Variants in BLTP1 observed in about 807,000 individuals in gnomAD.
BLTP1 encodes bridge-like lipid transfer protein family member 1.
the BLTP1 span, chr4:122,346,613 T>C: frequency 2.5e-6 from 4 of 1,609,828 alleles, no homozygotes; most frequent in South Asian, 4.4e-5. Context: ...AAATGTTATT[T>C]ATGTATCAGC....
chr4:122,178,624 A>T, the BLTP1 span, among the ~76,000 whole-genome samples: 2 of 152,228 alleles, frequency 1.3e-5, no homozygotes, highest in Non-Finnish European at 2.9e-5. Flanking sequence ...ACTGATAAAC[A>T]CTAAATACTG....
At chr4:122,234,737 G>A in the BLTP1 span, 1 of 1,535,262 alleles carries the variant, frequency 6.5e-7, no homozygotes, top group Non-Finnish European at 8.7e-7. Flanking sequence ...TTTTTTTTAT[G>A]TTGTTGTTTT....
At chr4:122,209,150 A>T in the BLTP1 span, 9 of 1,596,100 alleles carry the variant, frequency 5.6e-6, no homozygotes, top group Non-Finnish European at 7.7e-6. Flanking sequence ...TATTATAATT[A>T]TTTTTTAGGG....
At chr4:122,157,175 T>C in the BLTP1 span, among the ~76,000 whole-genome samples, 1 of 152,220 alleles carries the variant, frequency 6.6e-6, no homozygotes, top group Non-Finnish European at 1.5e-5. Context: ...TTAGTATCTA[T>C]GGCTAAATAA....
chr4:122,194,303 G>A, the BLTP1 span, among the ~76,000 whole-genome samples: 144 of 152,240 alleles, frequency 9.5e-4, no homozygotes, highest in African/African-American at 3.1e-3. Context: ...GAATAAGCTC[G>A]TTATTTGAAA....
the BLTP1 span, chr4:122,206,090 A>G: frequency 1.0e-6 from 1 of 976,490 alleles, no homozygotes; most frequent in Non-Finnish European, 1.2e-6. Context: ...ACAATTTTAA[A>G]AAGCAGTTTA....
chr4:122,353,298 T>C, the BLTP1 span: 1 of 1,379,870 alleles, frequency 7.2e-7, no homozygotes, highest in East Asian at 2.5e-5. The surrounding 1 kb of genome is among the most constrained non-coding windows in gnomAD (Gnocchi z 4.3). Context: ...TCAATATTTA[T>C]AATGTCTGGA....
At chr4:122,235,694 A>G in the BLTP1 span, 1 of 153,270 alleles carries the variant, frequency 6.5e-6, no homozygotes, top group African/African-American at 2.4e-5. Flanking sequence ...AGTCCCAGCT[A>G]CTCGGGAGGC....
At chr4:122,183,961 A>C in the BLTP1 span, among the ~76,000 whole-genome samples, 3 of 152,198 alleles carry the variant, frequency 2.0e-5, no homozygotes, top group Non-Finnish European at 2.9e-5. Context: ...TATGTAAACA[A>C]AAAATTTTGT....
chr4:122,321,897 C>T, the BLTP1 span, among the ~76,000 whole-genome samples: 1 of 143,368 alleles, frequency 7.0e-6, no homozygotes, highest in Non-Finnish European at 1.5e-5. Flanking sequence ...TTCTACCTGG[C>T]ATAGTTTCTG....
the BLTP1 span, chr4:122,341,967 A>G: frequency 2.9e-6 from 1 of 339,648 alleles, no homozygotes; most frequent in African/African-American, 2.2e-5. Flanking sequence ...AACAAAAAGG[A>G]AAAAAAAGCC....
chr4:122,308,436 A>C, the BLTP1 span, among the ~76,000 whole-genome samples: 2 of 152,198 alleles, frequency 1.3e-5, no homozygotes, highest in Non-Finnish European at 2.9e-5. Flanking sequence ...TCATAAAAAG[A>C]AGCTTAGTTT....
At chr4:122,335,028 T>A in the BLTP1 span, among the ~76,000 whole-genome samples, 1 of 151,956 alleles carries the variant, frequency 6.6e-6, no homozygotes, top group African/African-American at 2.4e-5. Context: ...TTTACAAGAT[T>A]GCAGTCATGG....
the BLTP1 span, chr4:122,192,524 A>G: frequency 1.7e-6 from 1 of 596,004 alleles, no homozygotes; most frequent in Non-Finnish European, 2.8e-6. Flanking sequence ...CCAAAGAAAA[A>G]CTTGCTTGTG....
the BLTP1 span, chr4:122,167,750 A>G: frequency 2.0e-6 from 2 of 985,332 alleles, no homozygotes; most frequent in Non-Finnish European, 2.4e-6. Flanking sequence ...AGGCTCTGAC[A>G]TCCAGCTCTA....
chr4:122,349,669 C>T, the BLTP1 span: 5 of 1,581,036 alleles, frequency 3.2e-6, no homozygotes, highest in Non-Finnish European at 4.3e-6. The surrounding 1 kb of genome is among the most constrained non-coding windows in gnomAD (Gnocchi z 4.5). Context: ...ACTTTTTGGA[C>T]ACTTTACATG....
chr4:122,174,770 AT>A, the BLTP1 span: 2,544 of 808,248 alleles, frequency 3.1e-3, 37 homozygotes, highest in African/African-American at 0.033. Flanking sequence ...ACTAAATCAA[AT>A]TTTTTTTTCC....
the BLTP1 span, chr4:122,331,579 TC>T: frequency 6.3e-7 from 1 of 1,584,042 alleles, no homozygotes; most frequent in African/African-American, 1.4e-5. Context: ...TGAAACTTTA[TC>T]TATTAGAAAT....
the BLTP1 span, chr4:122,331,154 A>G: frequency 1.1e-6 from 1 of 931,512 alleles, no homozygotes; most frequent in South Asian, 5.0e-5. Context: ...TATAATAGTT[A>G]TTCAGTACAT....
Sources: gnomAD v4.1 joint callset for allele counts (sites outside exome capture counted in the v4.1 genomes callset) on GRCh38, gnomAD v4.1.1 for gene constraint, Gnocchi (gnomAD v3.1) non-coding constraint, MANE v1.5 for transcripts, NCBI Gene and HGNC (gene_info 2026-07-23, HGNC 2026-07-21) for gene names.